KCNH1: variants seen among roughly 807,000 people sequenced by gnomAD.
The protein encoded by KCNH1 is potassium voltage-gated channel subfamily H member 1, also known as voltage-gated delayed rectifier potassium channel KCNH1.
KCNH1 carries 27 observed loss-of-function variants against 69.2 expected under a neutral mutation model. That is an observed-to-expected ratio of 0.39 (90% confidence interval 0.29 to 0.54). The LOEUF (loss-of-function observed/expected upper bound fraction) is 0.54, where lower values mean the gene tolerates loss of function less well. Among genes scored for constraint, KCNH1 ranks in the 20% least tolerant of loss-of-function variants. The pLI is 0.68. For missense variants in KCNH1, 798 were observed against 1,261.6 expected, an observed-to-expected ratio of 0.63 and a Z score of 5.57; for synonymous variants, 456 against 487.7, an observed-to-expected ratio of 0.93 and a Z score of 0.86.
At chr1:211,045,428 A>C (rs1690080740) in intron 5 of KCNH1, among the ~76,000 whole-genome samples, 1 of 152,066 alleles carries the variant, frequency 6.6e-6, no homozygotes, top group African/African-American at 2.4e-5. Flanking sequence ...TAAAAAAATT[A>C]AAAAGAAAAA....
At chr1:210,766,057 T>C (rs563874046) in intron 10 of KCNH1, among the ~76,000 whole-genome samples, 1 of 151,644 alleles carries the variant, frequency 6.6e-6, no homozygotes, top group African/African-American at 2.4e-5. Context: ...AGGGAGACTC[T>C]GTCTCAAAAA....
chr1:210,845,215 C>A (rs1373311549), intron 7 of KCNH1, among the ~76,000 whole-genome samples: 2 of 152,168 alleles, frequency 1.3e-5, no homozygotes, highest in African/African-American at 2.4e-5. Context: ...GGAATCCTCC[C>A]CAACTCATTT....
At chr1:211,034,686 T>C (rs1048987211) in intron 5 of KCNH1, among the ~76,000 whole-genome samples, 3 of 152,120 alleles carry the variant, frequency 2.0e-5, no homozygotes, top group Admixed American at 6.6e-5. Flanking sequence ...TGTAGATGAA[T>C]TACAAATATT....
chr1:210,911,901 C>T (rs965088285), intron 7 of KCNH1, among the ~76,000 whole-genome samples: 1 of 152,186 alleles, frequency 6.6e-6, no homozygotes, highest in Non-Finnish European at 1.5e-5. Context: ...CCACTGCCCT[C>T]TTTCCCTTCC....
intron 10 of KCNH1, among the ~76,000 whole-genome samples, chr1:210,715,247 C>T (rs560377109): frequency 1.8e-4 from 28 of 152,342 alleles, no homozygotes; most frequent in Admixed American, 1.4e-3. Context: ...CACCAGATGA[C>T]TCACACTCAG....
chr1:210,894,627 C>T (rs1213656163), intron 7 of KCNH1, among the ~76,000 whole-genome samples: 5 of 152,126 alleles, frequency 3.3e-5, no homozygotes, highest in African/African-American at 1.2e-4. Flanking sequence ...AAAACGTAAT[C>T]CCTCTGCCCT....
At chr1:210,907,317 G>A (rs1384781141) in intron 7 of KCNH1, among the ~76,000 whole-genome samples, 1 of 152,146 alleles carries the variant, frequency 6.6e-6, no homozygotes, top group East Asian at 1.9e-4. Context: ...CTACTGGGAA[G>A]CATGAAGTTT....
Position 210,919,998 on chromosome 1 carries a change from C to A in KCNH1, c.1104G>T (p.Leu368=), listed in dbSNP as rs768063257. 1.2e-6 allele frequency: 2 copies of A among 1,614,020 alleles called. No individual in the cohort carries two copies. Among genetic ancestry groups the A allele is most frequent in the Non-Finnish European group, 1.7e-6 (2 of 1,180,018 alleles). The change falls in exon 7 of 11, where the codon CTG becomes CTT. Residue 368 remains leucine, a synonymous_variant. Coordinates refer to ENST00000271751, the MANE Select transcript of KCNH1 (RefSeq NM_172362.3). The surrounding 1 kb of genome is among the most constrained non-coding windows in gnomAD (Gnocchi z 4.2). The part of the protein sequence containing the change: ...LLRLGRVARK[L]DHYIEYGAAV... ...CAGCTCCATATTCAATGTAGTGGTC[C>A]AGCTTACGGGCCACTCGCCCAAGAC...
intron 10 of KCNH1, among the ~76,000 whole-genome samples, chr1:210,703,466 C>T (rs143573929): frequency 6.6e-6 from 1 of 152,158 alleles, no homozygotes; most frequent in African/African-American, 2.4e-5. Context: ...GATTTCTCAT[C>T]TATAAAATAG....
Position 210,926,672 on chromosome 1 carries a change from A to G in KCNH1, c.1033-6603T>C, listed in dbSNP as rs190324949. On this transcript the variant is annotated intron_variant, in intron 6 of 10. Coordinates refer to ENST00000271751, the MANE Select transcript of KCNH1 (RefSeq NM_172362.3). ...AAAACAAGCTTCTTTAACCCCCGCA[A>G]AAGATCATACCAGCTCACCAGCAAC... Among the ~76,000 whole-genome samples the G allele has an allele frequency of 2.0e-5, 3 of 152,292 alleles. No individual in the cohort carries two copies. The East Asian group carries it at 5.8e-4, about 29-fold the overall frequency.
intron 6 of KCNH1, among the ~76,000 whole-genome samples, chr1:210,972,473 T>C (rs144609060): frequency 0.01 from 1,562 of 152,270 alleles, 12 homozygotes; most frequent in Middle Eastern, 0.034. Context: ...AGTTCCTTTT[T>C]TAAAAAAAGC....
intron 10 of KCNH1, among the ~76,000 whole-genome samples, chr1:210,700,548 T>C (rs1305238706): frequency 6.6e-6 from 1 of 152,240 alleles, no homozygotes; most frequent in Non-Finnish European, 1.5e-5. Context: ...CTTATTGATT[T>C]GTCATCTCTC....
intron 6 of KCNH1, among the ~76,000 whole-genome samples, chr1:211,015,850 C>T (rs1689482530): frequency 1.3e-5 from 2 of 152,172 alleles, no homozygotes; most frequent in South Asian, 4.1e-4. Context: ...TCCCTCCAAC[C>T]ACCAGAGTTG....
chr1:210,896,906 C>A (rs929762820), intron 7 of KCNH1, among the ~76,000 whole-genome samples: 5 of 152,142 alleles, frequency 3.3e-5, no homozygotes, highest in African/African-American at 1.2e-4. Flanking sequence ...TGTCTTCCAG[C>A]AAACAGCTTT....
chr1:210,837,511 GAGAA>G (rs2102448605), intron 7 of KCNH1, among the ~76,000 whole-genome samples: 2 of 152,278 alleles, frequency 1.3e-5, no homozygotes, highest in Non-Finnish European at 2.9e-5. Context: ...ATGACAAAGA[GAGAA>G]AATCCATAAA....
At chr1:211,000,037 C>G (rs1257599723) in intron 6 of KCNH1, among the ~76,000 whole-genome samples, 1 of 152,150 alleles carries the variant, frequency 6.6e-6, no homozygotes, top group Non-Finnish European at 1.5e-5. Flanking sequence ...CTATCTATGA[C>G]AAACCCACAG....
intron 6 of KCNH1, among the ~76,000 whole-genome samples, chr1:210,957,799 A>T (rs1451696266): frequency 6.6e-6 from 1 of 152,054 alleles, no homozygotes. Flanking sequence ...TTTTGGGCCT[A>T]TGTGTGTCTC....
chr1:210,684,701 G>A (rs1681370107), intron 10 of KCNH1, among the ~76,000 whole-genome samples: 1 of 152,228 alleles, frequency 6.6e-6, no homozygotes, highest in Non-Finnish European at 1.5e-5. Flanking sequence ...AGTGAATGTG[G>A]TTGGCTGTGA....
At chr1:211,057,511 T>C (rs1207402265) in intron 5 of KCNH1, among the ~76,000 whole-genome samples, 1 of 152,026 alleles carries the variant, frequency 6.6e-6, no homozygotes, top group South Asian at 2.1e-4. Context: ...TTATGGCGTT[T>C]GCTTGTAGTC....
Sources: gnomAD v4.1 joint callset for allele counts (sites outside exome capture counted in the v4.1 genomes callset) on GRCh38, gnomAD v4.1.1 for gene constraint, Gnocchi (gnomAD v3.1) non-coding constraint, MANE v1.5 for transcripts, NCBI Gene and HGNC (gene_info 2026-07-23, HGNC 2026-07-21) for gene names.